TTYH1: variants seen among roughly 807,000 people sequenced by gnomAD.
The protein encoded by TTYH1 is protein tweety homolog 1.
In TTYH1, 33 loss-of-function variants were observed where a neutral mutation model predicts 61.2. The observed-to-expected ratio is 0.54, with a 90% CI of 0.41 to 0.72. The LOEUF is 0.72. Ranked by LOEUF, TTYH1 falls within the 30% of genes least tolerant of loss-of-function variation. The probability of loss-of-function intolerance (pLI) is 0.00; values close to 1 mark genes in which losing one functional copy is unlikely to be tolerated. For synonymous variants in TTYH1, 308 were observed against 266.4 expected (o/e 1.16, Z -1.52); for missense variants, 538 against 575.8 (o/e 0.93, Z 0.67).
At chr19:54,433,691 T>G (rs28663398) in intron 10 of TTYH1, 9,821 of 148,194 alleles carry the variant, frequency 0.066, 578 homozygotes, top group African/African-American at 0.15. Flanking sequence ...CTGGCCAACA[T>G]GGTGAAACCC....
At chr19:54,417,784 G>A (rs947327798) in intron 1 of TTYH1, among the ~76,000 whole-genome samples, 6 of 151,292 alleles carry the variant, frequency 4.0e-5, no homozygotes, top group South Asian at 2.1e-4. Context: ...ATGCAGTCAC[G>A]CATCCACACA....
At position 54,420,092 on chromosome 19, in the gene TTYH1, C is replaced by T. The variant is rs541802507; in HGVS notation, c.305+786C>T. 2.0e-5 allele frequency among the ~76,000 whole-genome samples: 3 copies of T among 152,196 alleles called. No homozygotes were observed. In the South Asian group the frequency reaches 6.2e-4, roughly 32 times the overall value. On this transcript the variant is annotated intron_variant, in intron 2 of 13. Coordinates refer to ENST00000376530, the MANE Select transcript of TTYH1 (RefSeq NM_020659.4). The surrounding 1 kb of genome is among the most constrained non-coding windows in gnomAD (Gnocchi z 4.8). ...GAGATTCAGACCCAGGTTAGTAGGA[C>T]CCCCTCACACCCCTCAAAGCGAGCT... is the stretch of plus-strand genomic sequence containing the variant.
At chr19:54,417,029 C>A (rs1184057613) in intron 1 of TTYH1, 30 of 1,100,758 alleles carry the variant, frequency 2.7e-5, no homozygotes, top group Admixed American at 3.8e-5. Flanking sequence ...GCAAGGGGGA[C>A]CCCTGCAGGG....
chr19:54,436,548 C>T lies in TTYH1; in HGVS notation c.*258C>T. 1 of 675,242 alleles carries T rather than the reference C, an allele frequency of 1.5e-6. No individual in the cohort carries two copies. The allele number at this position is 675,242 out of a possible 1,614,324, so 41.8% of individuals were successfully genotyped here. A position where few individuals can be genotyped will look rare whatever the true frequency, so the allele number is the denominator to read the frequency against. ...GCAGACAGCCTCGCCTCGCACCCTTCATCCCTGGCTGCCGGTCCCATCCTT... is the reference window on the plus strand; with the variant it reads ...GCAGACAGCCTCGCCTCGCACCCTTTATCCCTGGCTGCCGGTCCCATCCTT... On this transcript the variant is annotated 3_prime_UTR_variant, in exon 14 of 14. Coordinates refer to ENST00000376530, the MANE Select transcript of TTYH1 (RefSeq NM_020659.4). The surrounding 1 kb of genome is among the most constrained non-coding windows in gnomAD (Gnocchi z 4.3).
At chr19:54,430,047 G>T (rs2083403111) in intron 7 of TTYH1, 90 bp downstream of exon 7, 1 of 1,206,866 alleles carries the variant, frequency 8.3e-7, no homozygotes, top group East Asian at 2.4e-5. Context: ...CCTGCCCAGG[G>T]TGGGGTGGGG....
Position 54,421,084 on chromosome 19 carries a change from G to A in TTYH1, c.306-193G>A, listed in dbSNP as rs2083206962. The stretch of plus-strand genomic sequence containing the variant: ...GACGTCCCTCCGCTGGGGGAGTGAG[G>A]CCTTCCCGTTCCCTTGGCAACCGAC... On this transcript the variant is annotated intron_variant, in intron 2 of 13. Coordinates refer to ENST00000376530, the MANE Select transcript of TTYH1 (RefSeq NM_020659.4). This position sits in a 1 kb window ranked among gnomAD's most constrained non-coding sequence, Gnocchi z 4.8. 6.6e-6 allele frequency among the ~76,000 whole-genome samples: 1 copy of A among 152,126 alleles called. No homozygotes were observed. Among genetic ancestry groups the A allele is most frequent in the Non-Finnish European group, 1.5e-5 (1 of 67,988 alleles).
rs201026897 is a variant in TTYH1 at position 54,419,117 on chromosome 19, C to G, written c.127-11C>G. 1,619 of 1,605,508 alleles carry G rather than the reference C, an allele frequency of 1.0e-3. No homozygotes were observed. Among genetic ancestry groups the G allele is most frequent in the Non-Finnish European group, 1.3e-3 (1,546 of 1,175,188 alleles). On this transcript the variant is annotated splice_polypyrimidine_tract_variant and intron_variant, in intron 1 of 13. Coordinates refer to ENST00000376530, the MANE Select transcript of TTYH1 (RefSeq NM_020659.4). The surrounding 1 kb of genome is among the most constrained non-coding windows in gnomAD (Gnocchi z 6.1). The stretch of plus-strand genomic sequence containing the variant: ...GTGCCCTCGGAGGTCTGATGTCACC[C>G]CCTTCCCCAGGCCTTGTTGCTGGTG...
chr19:54,436,865 TGTTC>T lies in TTYH1; in HGVS notation c.*576_*579del, dbSNP rs2083564263. 6.5e-6 allele frequency: 1 copy of T among 154,018 alleles called. No individual in the cohort carries two copies. 9.5% of individuals were successfully genotyped at this position (154,018 alleles called of 1,614,324 possible). On this transcript the variant is annotated 3_prime_UTR_variant, in exon 14 of 14. Transcript: ENST00000376530. This position sits in a 1 kb window ranked among gnomAD's most constrained non-coding sequence, Gnocchi z 4.3. ...GGCTCAGCAAGGGGTCCAAAGACATTGTTCTTTAAAAAAAAAAAAAAAAAAATCA... is the reference window on the plus strand; with the variant it reads ...GGCTCAGCAAGGGGTCCAAAGACATTTTTAAAAAAAAAAAAAAAAAAATCA...
intron 10 of TTYH1, chr19:54,431,928 A>G (rs527718963): frequency 6.6e-6 from 1 of 151,838 alleles, no homozygotes; most frequent in East Asian, 1.9e-4. Context: ...CTTATAAAAC[A>G]GTAGGAGCTG....
Position 54,415,561 on chromosome 19 carries a change from G to A in TTYH1, c.9G>A (p.Ala3=), listed in dbSNP as rs952967398. The A allele has an allele frequency of 4.7e-6, 7 of 1,474,894 alleles. No homozygotes were observed. Among genetic ancestry groups the A allele is most frequent in the African/African-American group, 2.9e-5 (2 of 68,498 alleles). 91.4% of individuals were successfully genotyped at this position (1,474,894 alleles called of 1,614,324 possible). A position where few individuals can be genotyped will look rare whatever the true frequency, so the allele number is the denominator to read the frequency against. The change falls in exon 1 of 14, where the codon GCG becomes GCA. Residue 3 remains alanine, a synonymous_variant. Coordinates refer to ENST00000376530, the MANE Select transcript of TTYH1 (RefSeq NM_020659.4). The surrounding 1 kb of genome is among the most constrained non-coding windows in gnomAD (Gnocchi z 5.2). Reference sequence around the variant, plus strand: ...CCCCTCCCCCGGGGGCCATGGGGGCGCCCCCGGGCTACCGGCCCTCAGCTT... The same window carrying A: ...CCCCTCCCCCGGGGGCCATGGGGGCACCCCCGGGCTACCGGCCCTCAGCTT... MG[A]PPGYRPSAWV...
At position 54,415,562 on chromosome 19, in the gene TTYH1, C is replaced by T. The variant is rs2083058520; in HGVS notation, c.10C>T (p.Pro4Ser). The change falls in exon 1 of 14, where the codon CCC (proline) becomes TCC (serine). Residue 4 changes from proline (P) to serine (S), a missense_variant. This residue lies in a region of TTYH1 where 157 missense variants were observed against 157.0 expected (regional missense o/e 1.00). Transcript: ENST00000376530. This position sits in a 1 kb window ranked among gnomAD's most constrained non-coding sequence, Gnocchi z 5.2. Reference protein sequence around the residue: MGAPPGYRPSAWVH... With the variant: MGASPGYRPSAWVH... ...CCCTCCCCCGGGGGCCATGGGGGCG[C>T]CCCCGGGCTACCGGCCCTCAGCTTG... is the stretch of plus-strand genomic sequence containing the variant. The T allele has an allele frequency of 1.4e-6, 2 of 1,479,184 alleles. No homozygotes were observed. The highest frequency in any genetic ancestry group is 1.8e-6 in the Non-Finnish European group (2 of 1,119,964). The allele number at this position is 1,479,184 out of a possible 1,614,324, so 91.6% of individuals were successfully genotyped here.
At chr19:54,430,721 G>T in intron 8 of TTYH1, 92 bp from the exon 9 acceptor site, 2 of 1,582,880 alleles carry the variant, frequency 1.3e-6, no homozygotes, top group African/African-American at 2.7e-5. Flanking sequence ...GAGGATGCAG[G>T]CCAGGGGCCC....
Position 54,426,767 on chromosome 19 carries a change from G to T in TTYH1, c.733G>T (p.Val245Leu). 1 of 1,613,360 alleles carries T rather than the reference G, an allele frequency of 6.2e-7. No individual in the cohort carries two copies. Among genetic ancestry groups the T allele is most frequent in the African/African-American group, 1.3e-5 (1 of 75,040 alleles). Reference sequence around the variant, plus strand: ...GAAGCAGAGCAAGTGGCTGGTGATCGTGTAAGTGCAGGCAGTAGGGGGACC... The same window carrying T: ...GAAGCAGAGCAAGTGGCTGGTGATCTTGTAAGTGCAGGCAGTAGGGGGACC... ...LAKQSKWLVI[V>L]MTVMSLLVLV... Residue 245 changes from valine (V) to leucine (L), a missense_variant and splice_region_variant, in exon 5 of 14, where the codon GTG becomes TTG. By Grantham distance (32) the Val-to-Leu change is conservative. Around this residue, in one of 3 missense-constraint regions of TTYH1, gnomAD observed 378 missense variants for 401.2 expected, o/e 0.94. Transcript: ENST00000376530.
rs990762346 is a variant in TTYH1, at chr19:54,420,623, G to C, written c.306-654G>C. 4 of 164,122 alleles carry C rather than the reference G, an allele frequency of 2.4e-5. No homozygotes were observed. The highest frequency in any genetic ancestry group is 9.7e-5 in the African/African-American group (4 of 41,400). The allele number at this position is 164,122 out of a possible 1,614,324, so 10.2% of individuals were successfully genotyped here. A position where few individuals can be genotyped will look rare whatever the true frequency, so the allele number is the denominator to read the frequency against. ...ATGGAGCTCTGTGTGTCGGTAGGGT[G>C]GGGGCGGGGGCACGGCTTCTCGCCC... On this transcript the variant is annotated intron_variant, in intron 2 of 13. Coordinates refer to ENST00000376530, the MANE Select transcript of TTYH1 (RefSeq NM_020659.4). This position sits in a 1 kb window ranked among gnomAD's most constrained non-coding sequence, Gnocchi z 4.8.
chr19:54,431,536 A>C, intron 10 of TTYH1: 1 of 334,928 alleles, frequency 3.0e-6, no homozygotes. Flanking sequence ...CCTCCCTCCT[A>C]GAGGCTGCCG....
At chr19:54,427,076 A>G (rs1238098119) in intron 5 of TTYH1, among the ~76,000 whole-genome samples, 1 of 151,904 alleles carries the variant, frequency 6.6e-6, no homozygotes, top group East Asian at 1.9e-4. Flanking sequence ...AGGTGGGTGG[A>G]TCATGAGGTC....
rs750040497 is a variant in TTYH1, at chr19:54,419,350, C to G, written c.305+44C>G. On this transcript the variant is annotated intron_variant, in intron 2 of 13. Coordinates refer to ENST00000376530, the MANE Select transcript of TTYH1 (RefSeq NM_020659.4). This position sits in a 1 kb window ranked among gnomAD's most constrained non-coding sequence, Gnocchi z 6.1. Reference sequence around the variant, plus strand: ...GGGTGGGCGGTGGGGACAGGGCTCCCCAAGCTCTTTGCTGGCCTTCCTGGG... The same window carrying G: ...GGGTGGGCGGTGGGGACAGGGCTCCGCAAGCTCTTTGCTGGCCTTCCTGGG... 1 of 1,563,138 alleles carries G rather than the reference C, an allele frequency of 6.4e-7. No homozygotes were observed. Among genetic ancestry groups the G allele is most frequent in the South Asian group, 1.1e-5 (1 of 87,756 alleles).
In TTYH1 at chr19:54,436,119, C is replaced by A; in HGVS notation, c.1343C>A (p.Ser448Ter). 2.5e-6 allele frequency: 4 copies of A among 1,614,126 alleles called. No homozygotes were observed. Among genetic ancestry groups the A allele is most frequent in the Non-Finnish European group, 3.4e-6 (4 of 1,180,006 alleles). ...TCCAAGCGCTTTGTGCAGTGGCAGTCGTCTATCTGAGCCCCTCCTCCCGGC... is the reference window on the plus strand; with the variant it reads ...TCCAAGCGCTTTGTGCAGTGGCAGTAGTCTATCTGAGCCCCTCCTCCCGGC... ...QESKRFVQWQSSI is the reference protein window; with the variant it reads ...QESKRFVQWQ The change falls in exon 13 of 14, where the codon TCG becomes TAG. Residue 448 changes from serine to a stop codon, truncating the protein, a stop_gained. Coordinates refer to ENST00000376530, the MANE Select transcript of TTYH1 (RefSeq NM_020659.4). LOFTEE classifies it high-confidence loss of function. This position sits in a 1 kb window ranked among gnomAD's most constrained non-coding sequence, Gnocchi z 4.3.
chr19:54,417,340 C>T (rs994107361), intron 1 of TTYH1, among the ~76,000 whole-genome samples: 1 of 151,544 alleles, frequency 6.6e-6, no homozygotes, highest in Admixed American at 6.6e-5. Flanking sequence ...CGCCCACTTA[C>T]TTTCATTACA....
Sources: gnomAD v4.1 joint callset for allele counts (sites outside exome capture counted in the v4.1 genomes callset) on GRCh38, gnomAD v4.1.1 for gene constraint, gnomAD v4.1.1 regional missense constraint, Gnocchi (gnomAD v3.1) non-coding constraint, MANE v1.5 for transcripts, NCBI Gene and HGNC (gene_info 2026-07-23, HGNC 2026-07-21) for gene names.